Variants in VPS13A observed in about 807,000 individuals in gnomAD.
VPS13A encodes the protein intermembrane lipid transfer protein VPS13A.
Under a neutral mutation model 390.9 loss-of-function variants are expected in VPS13A, and 264 were observed. The ratio of observed to expected loss-of-function variants is 0.68; its 90% CI spans 0.61 to 0.75. The LOEUF (loss-of-function observed/expected upper bound fraction) is 0.75. Ranked by LOEUF, VPS13A falls within the 30% of genes least tolerant of loss-of-function variation. The pLI is 0.00. For synonymous variants in VPS13A, 1,231 were observed against 1,227.1 expected, an observed-to-expected ratio of 1.00 and a Z score of -0.07; for missense variants, 3,409 against 3,733.9, an observed-to-expected ratio of 0.91 and a Z score of 2.27.
At chr9:77,193,813 T>C (rs1824828733) in intron 1 of VPS13A, among the ~76,000 whole-genome samples, 1 of 152,168 alleles carries the variant, frequency 6.6e-6, no homozygotes, top group South Asian at 2.1e-4. Context: ...GGCTTTTTGC[T>C]TTTATATTCT....
At chr9:77,379,301 C>T (rs961078761) in intron 67 of VPS13A, among the ~76,000 whole-genome samples, 18 of 150,014 alleles carry the variant, frequency 1.2e-4, no homozygotes, top group African/African-American at 4.2e-4. Context: ...AGTGCAATGG[C>T]GCTATCTCAG....
chr9:77,191,681 T>C (rs1049667455), intron 1 of VPS13A, among the ~76,000 whole-genome samples: 2 of 152,172 alleles, frequency 1.3e-5, no homozygotes, highest in African/African-American at 2.4e-5. Flanking sequence ...TTCCATGGAA[T>C]TGTATGGTTT....
intron 10 of VPS13A, among the ~76,000 whole-genome samples, chr9:77,218,201 C>T (rs1005679609): frequency 1.3e-5 from 2 of 150,142 alleles, no homozygotes; most frequent in Admixed American, 6.7e-5. Context: ...GTAAGCTCCA[C>T]CTCACGGGTT....
chr9:77,240,146 A>AT (rs779179934), intron 19 of VPS13A, among the ~76,000 whole-genome samples: 1,190 of 108,910 alleles, frequency 0.011, 15 homozygotes, highest in African/African-American at 0.033. Context: ...TTGGAAGTTC[A>AT]TTTTTTTTTT....
At chr9:77,406,100 G>T in intron 70 of VPS13A, 113 bp downstream of exon 70, 2 of 1,451,180 alleles carry the variant, frequency 1.4e-6, no homozygotes, top group Non-Finnish European at 1.9e-6. Context: ...CTTTGTCCTG[G>T]TGTGGTTTTC....
At chr9:77,387,523 C>G (rs751602018) in intron 68 of VPS13A, among the ~76,000 whole-genome samples, 1 of 152,022 alleles carries the variant, frequency 6.6e-6, no homozygotes, top group Non-Finnish European at 1.5e-5. Context: ...CTACCTGACG[C>G]TTGAATAACA....
rs574762222 is a variant in VPS13A, at chr9:77,354,117, C to T, written c.7652+476C>T. On this transcript the variant is annotated intron_variant, in intron 54 of 71. Transcript: ENST00000360280. The stretch of plus-strand genomic sequence containing the variant: ...ATCACCATTAAATCTTTTATCTCTC[C>T]CTTATGTCCTTATTATTCCTATTCA... 1.3e-3 allele frequency among the ~76,000 whole-genome samples: 205 copies of T among 152,016 alleles called. 3 individuals are homozygous for T. The highest frequency in any genetic ancestry group is 1.9e-3 in the South Asian group (9 of 4,806).
At chr9:77,369,167 T>G in intron 62 of VPS13A, 132 bp from the exon 63 acceptor site, 6 of 701,152 alleles carry the variant, frequency 8.6e-6, no homozygotes, top group Non-Finnish European at 1.3e-5. Context: ...ATTAATAAAA[T>G]GAGATGGTTT....
chr9:77,407,391 T>C, intron 70 of VPS13A, 142 bp from the exon 71 acceptor site: 1 of 627,360 alleles, frequency 1.6e-6, no homozygotes, highest in Admixed American at 3.0e-5. Context: ...TCTTCTTGCT[T>C]CCTCATTCTT....
rs779712181 is a variant in VPS13A at position 77,331,993 on chromosome 9, T to C, written c.5992-17T>C. On this transcript the variant is annotated splice_polypyrimidine_tract_variant and intron_variant, in intron 45 of 71. Coordinates refer to ENST00000360280, the MANE Select transcript of VPS13A (RefSeq NM_033305.3). ...TTAGATTAATGATACTAAATATTAT[T>C]TGTTTTTCTTTCCCAGATAAGAAAT... The C allele has an allele frequency of 1.3e-6, 2 of 1,528,840 alleles. No individual in the cohort carries two copies. The highest frequency in any genetic ancestry group is 4.5e-5 in the East Asian group (2 of 44,252). 94.7% of individuals were successfully genotyped at this position (1,528,840 alleles called of 1,614,324 possible). A position where few individuals can be genotyped will look rare whatever the true frequency, so the allele number is the denominator to read the frequency against.
rs780918757 is a variant in VPS13A, at chr9:77,339,618, C to T, written c.6481C>T (p.Leu2161Phe). ...ARLHLKLLDYLNHDWKSEYHI... is the reference protein window; with the variant it reads ...ARLHLKLLDYFNHDWKSEYHI... ...GCTACATTTAAAATTACTTGACTAT[C>T]TCAATCACGATTGGAAAAGTGAATA... Residue 2161 changes from leucine to phenylalanine, a missense_variant, in exon 48 of 72, where the codon CTC (leucine) becomes TTC (phenylalanine). Coordinates refer to ENST00000360280, the MANE Select transcript of VPS13A (RefSeq NM_033305.3). 17 of 1,612,458 alleles carry T rather than the reference C, an allele frequency of 1.1e-5. No individual in the cohort carries two copies. Among genetic ancestry groups the T allele is most frequent in the Non-Finnish European group, 1.4e-5 (16 of 1,179,332 alleles).
chr9:77,354,608 CAT>C (rs1831655207), intron 54 of VPS13A, among the ~76,000 whole-genome samples: 1 of 152,066 alleles, frequency 6.6e-6, no homozygotes, highest in African/African-American at 2.4e-5. Context: ...ATTTAAGTAA[CAT>C]ATGAAAGTAA....
At position 77,305,181 on chromosome 9, in the gene VPS13A, A is replaced by G. The variant is rs372105829; in HGVS notation, c.3960+2119A>G. 2.4e-4 allele frequency among the ~76,000 whole-genome samples: 37 copies of G among 151,504 alleles called. No individual in the cohort carries two copies. In the East Asian group the frequency reaches 4.5e-3, roughly 18 times the overall value. Reference sequence around the variant, plus strand: ...TCTTGATCTCCTGACCTCGTGATCCACCCCCCTTGGCCTCCCAAAGTGCTG... The same window carrying G: ...TCTTGATCTCCTGACCTCGTGATCCGCCCCCCTTGGCCTCCCAAAGTGCTG... On this transcript the variant is annotated intron_variant, in intron 34 of 71. Transcript: ENST00000360280.
intron 8 of VPS13A, 82 bp downstream of exon 8, chr9:77,213,110 T>G: frequency 6.4e-7 from 1 of 1,562,830 alleles, no homozygotes; most frequent in Non-Finnish European, 8.8e-7. Context: ...TAAGGATGTA[T>G]GTGAATTTTG....
At position 77,358,402 on chromosome 9, in the gene VPS13A, C is replaced by T. The variant is rs773152295; in HGVS notation, c.7999C>T (p.Pro2667Ser). Reference sequence around the variant, plus strand: ...TGCTGTATTTCCCTTTGTGTTTTATCCTGTTAAACCTCCAAAGTCGGTCAC... The same window carrying T: ...TGCTGTATTTCCCTTTGTGTTTTATTCTGTTAAACCTCCAAAGTCGGTCAC... ...HGAVFPFVFY[P>S]VKPPKSVTMD... is the part of the protein sequence containing the mutation. The change falls in exon 57 of 72, where the codon CCT becomes TCT. Residue 2667 changes from proline to serine, a missense_variant. Coordinates refer to ENST00000360280, the MANE Select transcript of VPS13A (RefSeq NM_033305.3). The T allele has an allele frequency of 1.2e-6, 2 of 1,613,478 alleles. No homozygotes were observed. The highest frequency in any genetic ancestry group is 2.2e-5 in the East Asian group (1 of 44,810).
chr9:77,351,454 T>C lies in VPS13A; in HGVS notation c.7419+8T>C. 3 of 1,612,510 alleles carry C rather than the reference T, an allele frequency of 1.9e-6. No homozygotes were observed. Among genetic ancestry groups the C allele is most frequent in the South Asian group, 1.1e-5 (1 of 91,072 alleles). ...GAAGTAACACAGAAGGATGTAAGTATTGGGTTATTATGGTGTTCCCAGCAG... is the reference window on the plus strand; with the variant it reads ...GAAGTAACACAGAAGGATGTAAGTACTGGGTTATTATGGTGTTCCCAGCAG... On this transcript the variant is annotated splice_region_variant and intron_variant, in intron 53 of 71. Transcript: ENST00000360280.
chr9:77,358,379 C>T lies in VPS13A; in HGVS notation c.7976C>T (p.Ala2659Val). ...TAGATCCAAAATCAGATACATGGTGCTGTATTTCCCTTTGTGTTTTATCCT... is the reference window on the plus strand; with the variant it reads ...TAGATCCAAAATCAGATACATGGTGTTGTATTTCCCTTTGTGTTTTATCCT... ...RIQIQNQIHG[A>V]VFPFVFYPVK... The change falls in exon 57 of 72, where the codon GCT (alanine) becomes GTT (valine). Residue 2659 changes from alanine (A) to valine (V), a missense_variant. Transcript: ENST00000360280. The T allele has an allele frequency of 1.2e-6, 2 of 1,613,438 alleles. No individual in the cohort carries two copies. The highest frequency in any genetic ancestry group is 1.1e-5 in the South Asian group (1 of 91,066).
intron 33 of VPS13A, among the ~76,000 whole-genome samples, chr9:77,297,363 C>G (rs756772764): frequency 1.8e-4 from 27 of 152,144 alleles, no homozygotes; most frequent in South Asian, 8.3e-4. Context: ...CTCTTGGACT[C>G]TCAGCTCTTA....
At chr9:77,179,808 G>C (rs996287544) in intron 1 of VPS13A, among the ~76,000 whole-genome samples, 3 of 150,498 alleles carry the variant, frequency 2.0e-5, no homozygotes, top group East Asian at 2.0e-4. Flanking sequence ...CTCTCATTCC[G>C]GAATATTTCA....
Sources: allele counts gnomAD v4.1 joint callset (sites outside exome capture counted in the v4.1 genomes callset), GRCh38; gene constraint gnomAD v4.1.1; transcripts MANE v1.5; gene names NCBI Gene and HGNC (gene_info 2026-07-23, HGNC 2026-07-21).